WDR27: variants seen among roughly 807,000 people sequenced by gnomAD.
WDR27 encodes WD repeat domain 27, also known as WD repeat-containing protein 27.
A neutral mutation model predicts 114.4 loss-of-function variants in WDR27; 100 were observed. The ratio of observed to expected loss-of-function variants is 0.87; its 90% CI spans 0.74 to 1.03. WDR27 has a LOEUF of 1.03. Ranked by LOEUF, WDR27 falls within the 50% of genes least tolerant of loss-of-function variation. WDR27 has a pLI of 0.00. For missense variants in WDR27, 1,129 were observed against 1,092.9 expected, an observed-to-expected ratio of 1.03 and a Z score of -0.47; for synonymous variants, 449 against 423.1, an observed-to-expected ratio of 1.06 and a Z score of -0.75.
the WDR27 span, among the ~76,000 whole-genome samples, chr6:169,434,978 GT>G: frequency 6.6e-6 from 1 of 152,200 alleles, no homozygotes; most frequent in African/African-American, 2.4e-5. Flanking sequence ...GTAAAAAATG[GT>G]TTCATGGGCT....
At chr6:169,677,237 G>T (rs1370355415) in intron 2 of WDR27, among the ~76,000 whole-genome samples, 1 of 152,252 alleles carries the variant, frequency 6.6e-6, no homozygotes, top group African/African-American at 2.4e-5. Flanking sequence ...GTGAAGTCTA[G>T]GCTGAGGAAG....
At position 169,659,661 on chromosome 6, in the gene WDR27, C is replaced by G; in HGVS notation, c.1130-143G>C. ...CCCACCACACACTTTGCAGGCTGTG[C>G]ACCACATCCTCACACATACAAGGCC... On this transcript the variant is annotated intron_variant, in intron 10 of 25. Coordinates refer to ENST00000448612, the MANE Select transcript of WDR27 (RefSeq NM_182552.5). The surrounding 1 kb of genome is among the most constrained non-coding windows in gnomAD (Gnocchi z 4.3). The G allele has an allele frequency of 1.4e-6, 1 of 733,410 alleles. No individual in the cohort carries two copies. The highest frequency in any genetic ancestry group is 2.3e-6 in the Non-Finnish European group (1 of 429,212). 45.4% of individuals were successfully genotyped at this position (733,410 alleles called of 1,614,324 possible).
chr6:169,697,299 C>T (rs1327754130), intron 1 of WDR27, among the ~76,000 whole-genome samples: 1 of 152,142 alleles, frequency 6.6e-6, no homozygotes, highest in Admixed American at 6.5e-5. Context: ...CCAGACAGGA[C>T]CACCAGAGGG....
intron 1 of WDR27, among the ~76,000 whole-genome samples, chr6:169,697,324 G>A (rs972019218): frequency 5.3e-5 from 8 of 152,126 alleles, no homozygotes; most frequent in African/African-American, 1.7e-4. Flanking sequence ...TTGGTCTAGC[G>A]GTAACGCCAG....
At chr6:169,484,165 T>C (rs1166202792) in intron 25 of WDR27, among the ~76,000 whole-genome samples, 1 of 152,156 alleles carries the variant, frequency 6.6e-6, no homozygotes, top group Non-Finnish European at 1.5e-5. Context: ...GTATTGGAAG[T>C]CCTGGCCAGA....
At chr6:169,426,454 T>TA in the WDR27 span, 1 of 152,204 alleles carries the variant, frequency 6.6e-6, no homozygotes, top group Non-Finnish European at 1.5e-5. Context: ...TATTAAAGGT[T>TA]AACCGTCTCA....
In WDR27 at chr6:169,636,458, T is replaced by C. The variant is rs1172658195; in HGVS notation, c.1916A>G (p.Tyr639Cys). 6.2e-7 allele frequency: 1 copy of C among 1,613,906 alleles called. No individual in the cohort carries two copies. Among genetic ancestry groups the C allele is most frequent in the East Asian group, 2.2e-5 (1 of 44,868 alleles). ...SKPIQSAQFY[Y>C]IDAFILLSSG... ...AGATAACAATATAAAGGCATCTATA[T>C]AATAGAACTGTGCAGACTGTATAGG... is the stretch of plus-strand genomic sequence containing the variant. Residue 639 changes from tyrosine (Y) to cysteine (C), a missense_variant, in exon 19 of 26, where the codon TAT becomes TGT. Tyr to Cys is a radical substitution (Grantham distance 194). Coordinates refer to ENST00000448612, the MANE Select transcript of WDR27 (RefSeq NM_182552.5).
At chr6:169,477,743 G>A (rs1460420509) in intron 25 of WDR27, among the ~76,000 whole-genome samples, 1 of 152,132 alleles carries the variant, frequency 6.6e-6, no homozygotes, top group African/African-American at 2.4e-5. Flanking sequence ...CTTTTTGGCA[G>A]TTTCTTATAA....
intron 25 of WDR27, among the ~76,000 whole-genome samples, chr6:169,481,897 C>T (rs186302019): frequency 4.6e-5 from 7 of 152,346 alleles, no homozygotes; most frequent in South Asian, 2.1e-4. Flanking sequence ...TGAGGGTCCG[C>T]GGCTTCATTC....
At chr6:169,599,667 C>T (rs1807551862) in intron 23 of WDR27, among the ~76,000 whole-genome samples, 1 of 152,028 alleles carries the variant, frequency 6.6e-6, no homozygotes, top group African/African-American at 2.4e-5. Flanking sequence ...CTTTATTAGT[C>T]CTGCTAGCGG....
intron 25 of WDR27, among the ~76,000 whole-genome samples, chr6:169,462,043 T>G (rs533456127): frequency 1.3e-5 from 2 of 151,698 alleles, no homozygotes; most frequent in Non-Finnish European, 2.9e-5. Context: ...CTAGATAAAA[T>G]GTACACATTC....
chr6:169,455,895 G>C (rs988594144), downstream of WDR27, among the ~76,000 whole-genome samples: 1 of 151,788 alleles, frequency 6.6e-6, no homozygotes, highest in African/African-American at 2.4e-5. Flanking sequence ...ACATATTAGA[G>C]TTTTCTTCTT....
intron 23 of WDR27, among the ~76,000 whole-genome samples, chr6:169,586,328 A>G (rs561355401): frequency 6.3e-4 from 96 of 152,268 alleles, no homozygotes; most frequent in Non-Finnish European, 1.1e-3. Flanking sequence ...GGCTTTTCCT[A>G]TAACAGTAAT....
At chr6:169,609,111 T>C (rs144147691) in intron 22 of WDR27, among the ~76,000 whole-genome samples, 47 of 151,944 alleles carry the variant, frequency 3.1e-4, no homozygotes, top group African/African-American at 8.4e-4. Context: ...GCTCTGTCCC[T>C]GTGGCTTTGC....
chr6:169,685,885 T>A (rs1782810459), intron 2 of WDR27, among the ~76,000 whole-genome samples: 1 of 152,104 alleles, frequency 6.6e-6, no homozygotes, highest in Admixed American at 6.5e-5. Context: ...ACCAAATAGG[T>A]CCTTTTAGAG....
intron 21 of WDR27, among the ~76,000 whole-genome samples, chr6:169,619,103 C>A (rs1401986712): frequency 2.0e-5 from 3 of 152,280 alleles, no homozygotes; most frequent in African/African-American, 7.2e-5. Flanking sequence ...ATAGATTTGA[C>A]AGGATTCAGG....
At chr6:169,499,945 G>A (rs370957042) in intron 25 of WDR27, among the ~76,000 whole-genome samples, 44 of 152,256 alleles carry the variant, frequency 2.9e-4, no homozygotes, top group African/African-American at 1.0e-3. Context: ...AAGTCTGTCC[G>A]GGGGACCTGA....
At chr6:169,677,676 A>T (rs963131401) in intron 2 of WDR27, among the ~76,000 whole-genome samples, 17 of 152,344 alleles carry the variant, frequency 1.1e-4, no homozygotes, top group Admixed American at 5.9e-4. Context: ...GGCCTCCAAG[A>T]CATTCCAGAT....
intron 4 of WDR27, chr6:169,669,755 A>T (rs1466359684): frequency 6.6e-6 from 1 of 152,148 alleles, no homozygotes; most frequent in Non-Finnish European, 1.5e-5. Context: ...GGCTTAACTC[A>T]TGATGTGAAC....
Sources: allele counts gnomAD v4.1 joint callset (sites outside exome capture counted in the v4.1 genomes callset), GRCh38; gene constraint gnomAD v4.1.1; non-coding constraint Gnocchi (gnomAD v3.1); transcripts MANE v1.5; gene names NCBI Gene and HGNC (gene_info 2026-07-23, HGNC 2026-07-21).